Variants in HS3ST5 observed in about 807,000 individuals in gnomAD.
HS3ST5 encodes the protein heparan sulfate glucosamine 3-O-sulfotransferase 5.
A neutral mutation model predicts 25.4 loss-of-function variants in HS3ST5; 10 were observed. The observed-to-expected ratio is 0.39, with a 90% confidence interval of 0.24 to 0.67. The LOEUF (loss-of-function observed/expected upper bound fraction) is 0.67, where lower values mean the gene tolerates loss of function less well. HS3ST5 is among the 30% of genes least tolerant of loss of function. The probability of loss-of-function intolerance (pLI) is 0.44; values close to 1 mark genes in which losing one functional copy is unlikely to be tolerated. For synonymous variants in HS3ST5, 170 were observed against 162.4 expected, an observed-to-expected ratio of 1.05 and a Z score of -0.36; for missense variants, 324 against 420.7, an observed-to-expected ratio of 0.77 and a Z score of 2.01.
chr6:114,088,278 C>T (rs896769920), intron 3 of HS3ST5, among the ~76,000 whole-genome samples: 20 of 152,156 alleles, frequency 1.3e-4, no homozygotes, highest in African/African-American at 3.6e-4. Flanking sequence ...ATCTCCTCTA[C>T]TTGTCTCAAC....
At chr6:114,216,949 G>A (rs1358249359) in intron 2 of HS3ST5, among the ~76,000 whole-genome samples, 1 of 152,098 alleles carries the variant, frequency 6.6e-6, no homozygotes, top group Non-Finnish European at 1.5e-5. Flanking sequence ...GAAGCCAGCT[G>A]CTTTTTCATA....
At chr6:114,095,771 C>A (rs998152395) in intron 3 of HS3ST5, among the ~76,000 whole-genome samples, 1 of 152,052 alleles carries the variant, frequency 6.6e-6, no homozygotes, top group East Asian at 1.9e-4. Context: ...AAAGCAGAAA[C>A]CTGGTTTATC....
chr6:114,081,913 A>G (rs927087013), intron 3 of HS3ST5, among the ~76,000 whole-genome samples: 4 of 152,180 alleles, frequency 2.6e-5, no homozygotes, highest in African/African-American at 9.7e-5. Flanking sequence ...CTACATTTTA[A>G]TATATTCACA....
At chr6:114,326,125 T>G (rs1776164428) in intron 1 of HS3ST5, among the ~76,000 whole-genome samples, 3 of 152,146 alleles carry the variant, frequency 2.0e-5, no homozygotes, top group Admixed American at 2.0e-4. Context: ...CTGGGCCTGG[T>G]GGCTCATGCC....
intron 1 of HS3ST5, among the ~76,000 whole-genome samples, chr6:114,330,587 C>G (rs1462283356): frequency 2.6e-5 from 4 of 152,206 alleles, no homozygotes; most frequent in Admixed American, 6.5e-5. Context: ...ACCCTATTTC[C>G]TCACATGAGC....
intron 3 of HS3ST5, among the ~76,000 whole-genome samples, chr6:114,089,908 A>C (rs1775033440): frequency 6.6e-6 from 1 of 152,200 alleles, no homozygotes; most frequent in Non-Finnish European, 1.5e-5. Context: ...TAATAGCTTT[A>C]TCTAATATAA....
At chr6:114,168,509 T>G (rs1006964785) in intron 2 of HS3ST5, 47 bp from the exon 3 acceptor site, 1 of 152,274 alleles carries the variant, frequency 6.6e-6, no homozygotes, top group African/African-American at 2.4e-5. Context: ...TAAGTCTTTT[T>G]GTTTGTTTGT....
At chr6:114,157,956 C>T (rs1405678172) in intron 3 of HS3ST5, among the ~76,000 whole-genome samples, 1 of 152,140 alleles carries the variant, frequency 6.6e-6, no homozygotes, top group African/African-American at 2.4e-5. Context: ...CATTCTTGTT[C>T]CTGTACAACC....
intron 3 of HS3ST5, among the ~76,000 whole-genome samples, chr6:114,144,455 G>C (rs1778057803): frequency 6.6e-6 from 1 of 150,974 alleles, no homozygotes; most frequent in African/African-American, 2.5e-5. Flanking sequence ...CTTTGGGACG[G>C]TCTTTGATAA....
chr6:114,318,462 G>C (rs1775833430), intron 1 of HS3ST5, among the ~76,000 whole-genome samples: 1 of 151,994 alleles, frequency 6.6e-6, no homozygotes, highest in Non-Finnish European at 1.5e-5. Flanking sequence ...ATAACTGTCT[G>C]ACAACAAAAG....
Position 114,057,068 on chromosome 6 carries a change from A to AT in HS3ST5, c.*188_*189insA. 5.8e-6 allele frequency: 3 copies of AT among 519,138 alleles called. No homozygotes were observed. Among genetic ancestry groups the AT allele is most frequent in the South Asian group, 3.7e-5 (1 of 26,908 alleles). 32.2% of individuals were successfully genotyped at this position (519,138 alleles called of 1,614,324 possible). On this transcript the variant is annotated 3_prime_UTR_variant, in exon 5 of 5. Transcript: ENST00000312719. ...TAAAAGATGCGACTATGCAGACAGC[A>AT]ATTTTTTTTTTTTCGTAAATTTTCA...
chr6:114,234,662 C>T (rs903011447), intron 1 of HS3ST5, among the ~76,000 whole-genome samples: 3 of 152,076 alleles, frequency 2.0e-5, no homozygotes, highest in African/African-American at 7.2e-5. Flanking sequence ...TATGCTGTGC[C>T]TTTTCTGACA....
intron 2 of HS3ST5, chr6:114,220,592 G>A (rs896601193): frequency 6.6e-6 from 1 of 151,700 alleles, no homozygotes; most frequent in African/African-American, 2.4e-5. Flanking sequence ...TAATACAGTT[G>A]TATTTTATTT....
intron 3 of HS3ST5, among the ~76,000 whole-genome samples, chr6:114,087,373 A>T (rs1243530649): frequency 1.3e-5 from 2 of 151,906 alleles, no homozygotes; most frequent in African/African-American, 4.8e-5. Context: ...CACTTGCCCC[A>T]TTTCTTGATT....
chr6:114,198,084 G>C (rs1780846299), intron 2 of HS3ST5, among the ~76,000 whole-genome samples: 1 of 152,012 alleles, frequency 6.6e-6, no homozygotes, highest in African/African-American at 2.4e-5. Context: ...GCCATATTAA[G>C]AAAGAAGCAA....
chr6:114,185,318 C>A (rs1439298349), intron 2 of HS3ST5, among the ~76,000 whole-genome samples: 2 of 152,084 alleles, frequency 1.3e-5, no homozygotes, highest in East Asian at 1.9e-4. Flanking sequence ...AGAATTAGTA[C>A]CCTCATAAAA....
chr6:114,296,295 C>A (rs1302978534), intron 1 of HS3ST5, among the ~76,000 whole-genome samples: 2 of 152,132 alleles, frequency 1.3e-5, no homozygotes, highest in African/African-American at 4.8e-5. Context: ...AGACCTCACA[C>A]AACAGATTCA....
chr6:114,308,356 C>T (rs928508697), intron 1 of HS3ST5, among the ~76,000 whole-genome samples: 14 of 151,984 alleles, frequency 9.2e-5, no homozygotes, highest in Admixed American at 7.2e-4. Flanking sequence ...GAGGCCGAGG[C>T]GGGCAGATCA....
At chr6:114,263,517 G>C (rs1773269324) in intron 1 of HS3ST5, among the ~76,000 whole-genome samples, 1 of 152,150 alleles carries the variant, frequency 6.6e-6, no homozygotes, top group Non-Finnish European at 1.5e-5. Context: ...TCAAAGCCTT[G>C]AAATGTGTTA....
Sources: gnomAD v4.1 joint callset for allele counts (sites outside exome capture counted in the v4.1 genomes callset) on GRCh38, gnomAD v4.1.1 for gene constraint, MANE v1.5 for transcripts, NCBI Gene and HGNC (gene_info 2026-07-23, HGNC 2026-07-21) for gene names.